The following TSPEAR variants were observed in gnomAD, a reference collection of about 807,000 sequenced individuals.
TSPEAR encodes thrombospondin type laminin G domain and EAR repeats, also known as thrombospondin-type laminin G domain and EAR repeat-containing protein.
In TSPEAR, 69 loss-of-function variants were observed where a neutral mutation model predicts 71.6. The observed-to-expected ratio is 0.96, with a 90% CI of 0.79 to 1.18. TSPEAR has a LOEUF of 1.18. TSPEAR is among the 50% of genes most tolerant of loss of function. The pLI, the probability that TSPEAR is intolerant of heterozygous loss-of-function variation, is 0.00. For missense variants in TSPEAR, 971 were observed against 894.9 expected, an observed-to-expected ratio of 1.09 and a Z score of -1.09; for synonymous variants, 402 against 387.2, an observed-to-expected ratio of 1.04 and a Z score of -0.45.
In TSPEAR at chr21:44,672,463, G is replaced by C. The variant is rs9982835; in HGVS notation, c.82+38970C>G. Among the ~76,000 whole-genome samples, 1,258 of 152,266 alleles carry C rather than the reference G, an allele frequency of 8.3e-3. 12 individuals carry two copies. Among genetic ancestry groups the C allele is most frequent in the African/African-American group, 0.028 (1,181 of 41,540 alleles). On this transcript the variant is annotated intron_variant, in intron 1 of 11. Coordinates refer to ENST00000323084, the MANE Select transcript of TSPEAR (RefSeq NM_144991.3). ...CAGGTGCCTGTAGTCCCAGCTACTC[G>C]GGAGGCTGAGACAGGAAAATGGCGT...
Position 44,527,375 on chromosome 21 carries a change from A to T in TSPEAR, c.1066T>A (p.Trp356Arg), listed in dbSNP as rs1569165610. 1.2e-6 allele frequency: 2 copies of T among 1,614,192 alleles called. No individual in the cohort carries two copies. The highest frequency in any genetic ancestry group is 1.7e-6 in the Non-Finnish European group (2 of 1,180,032). The change falls in exon 7 of 12, where the codon TGG becomes AGG. Residue 356 changes from tryptophan (W) to arginine (R), a missense_variant. By Grantham distance (101) the Trp-to-Arg change is moderately radical (BLOSUM62 -3). Transcript: ENST00000323084. ...NRKATSAVYK[W>R]TEEKFVSYQN... ...TATGAGACGAACTTCTCTTCGGTCC[A>T]CTTGTAGACGGCGGATGTGGCTTTG...
Position 44,549,455 on chromosome 21 carries a change from A to G in TSPEAR, c.304-15532T>C, listed in dbSNP as rs587670483. Among the ~76,000 whole-genome samples the G allele has an allele frequency of 4.6e-5, 7 of 152,326 alleles. No individual in the cohort carries two copies. In the East Asian group the frequency reaches 1.3e-3, roughly 29 times the overall value. Reference sequence around the variant, plus strand: ...CAAGTGCGGCGTGTCCACACTTTGGAACGCTGTACACCTTGCTGAAGAAAA... The same window carrying G: ...CAAGTGCGGCGTGTCCACACTTTGGGACGCTGTACACCTTGCTGAAGAAAA... On this transcript the variant is annotated intron_variant, in intron 2 of 11. Coordinates refer to ENST00000323084, the MANE Select transcript of TSPEAR (RefSeq NM_144991.3).
intron 11 of TSPEAR, among the ~76,000 whole-genome samples, chr21:44,502,632 C>T (rs1375941333): frequency 6.6e-6 from 1 of 152,272 alleles, no homozygotes; most frequent in Admixed American, 6.5e-5. Context: ...AATCCAAAGG[C>T]AGAAGCACCA....
chr21:44,528,189 G>C (rs587703454), intron 6 of TSPEAR, among the ~76,000 whole-genome samples: 9 of 152,278 alleles, frequency 5.9e-5, no homozygotes, highest in African/African-American at 1.9e-4. Flanking sequence ...TGGTGGGGCA[G>C]TTTCCTGTCC....
chr21:44,579,503 GGTT>G, intron 1 of TSPEAR: 2 of 577,590 alleles, frequency 3.5e-6, no homozygotes, highest in Non-Finnish European at 6.1e-6. Flanking sequence ...GGTGCTGACA[GGTT>G]CAAGTCGAGG....
chr21:44,685,471 G>A (rs1485464457), intron 1 of TSPEAR, among the ~76,000 whole-genome samples: 2 of 152,024 alleles, frequency 1.3e-5, no homozygotes, highest in East Asian at 2.0e-4. Flanking sequence ...GACCCACAGC[G>A]AGGGAGAGGA....
At chr21:44,521,691 G>A (rs920959094) in intron 9 of TSPEAR, among the ~76,000 whole-genome samples, 192 bp downstream of exon 9, 1 of 152,226 alleles carries the variant, frequency 6.6e-6, no homozygotes, top group African/African-American at 2.4e-5. Context: ...GGCAAGAAGG[G>A]CTCAGACGCC....
At chr21:44,643,205 A>G (rs1555938865) in intron 1 of TSPEAR, among the ~76,000 whole-genome samples, 1 of 152,212 alleles carries the variant, frequency 6.6e-6, no homozygotes, top group African/African-American at 2.4e-5. Flanking sequence ...GAATCTAAAA[A>G]AGCCAAGTTC....
intron 9 of TSPEAR, chr21:44,518,502 CTT>C (rs1229600363): frequency 3.3e-5 from 13 of 393,084 alleles, no homozygotes; most frequent in Non-Finnish European, 5.9e-5. Flanking sequence ...GATCCTTTCT[CTT>C]GTCACCTCAC....
intron 9 of TSPEAR, among the ~76,000 whole-genome samples, chr21:44,511,604 T>TACAC (rs1171665715): frequency 2.6e-5 from 4 of 152,156 alleles, no homozygotes; most frequent in Admixed American, 6.5e-5. Flanking sequence ...GCATGACATC[T>TACAC]ACACACACAC....
At chr21:44,595,339 C>T (rs587621347) in intron 1 of TSPEAR, among the ~76,000 whole-genome samples, 2 of 152,318 alleles carry the variant, frequency 1.3e-5, no homozygotes, top group African/African-American at 4.8e-5. Flanking sequence ...TAACCAAATA[C>T]TGAACCACTG....
chr21:44,707,715 C>G (rs1174135740), intron 1 of TSPEAR, among the ~76,000 whole-genome samples: 1 of 152,076 alleles, frequency 6.6e-6, no homozygotes, highest in Non-Finnish European at 1.5e-5. Flanking sequence ...ATGAGGGGGT[C>G]CTTAACTCTG....
At chr21:44,624,635 C>T (rs28505019) in intron 1 of TSPEAR, among the ~76,000 whole-genome samples, 41 of 152,298 alleles carry the variant, frequency 2.7e-4, no homozygotes, top group African/African-American at 7.7e-4. Context: ...CATCCTAGGG[C>T]GTAATCCTTC....
At chr21:44,541,084 T>G (rs2053215226) in intron 2 of TSPEAR, among the ~76,000 whole-genome samples, 1 of 152,098 alleles carries the variant, frequency 6.6e-6, no homozygotes, top group South Asian at 2.1e-4. Context: ...CATCAGTATT[T>G]CTGCACCACG....
chr21:44,601,332 C>G, intron 1 of TSPEAR: 1 of 1,613,294 alleles, frequency 6.2e-7, no homozygotes, highest in Non-Finnish European at 8.5e-7. Flanking sequence ...GCAAGCCCGT[C>G]TGCTGTGTGC....
chr21:44,655,756 C>T (rs180801157), intron 1 of TSPEAR, among the ~76,000 whole-genome samples: 3 of 152,274 alleles, frequency 2.0e-5, no homozygotes, highest in East Asian at 1.9e-4. Context: ...TTGGCCACAG[C>T]GCTTTATTCT....
rs201034957 is a variant in TSPEAR, at chr21:44,558,160, G to T, written c.303+9625C>A. On this transcript the variant is annotated intron_variant, in intron 2 of 11. Transcript: ENST00000323084. ...CAGGAGGCCGGGCGGCAGCAGCTGG[G>T]CTGGCAGGTGGAGGCAGGGGCACAG... 1 of 1,611,146 alleles carries T rather than the reference G, an allele frequency of 6.2e-7. No individual in the cohort carries two copies. The highest frequency in any genetic ancestry group is 1.7e-5 in the Admixed American group (1 of 59,438).
At chr21:44,686,942 G>A (rs1986888249) in intron 1 of TSPEAR, among the ~76,000 whole-genome samples, 2 of 152,218 alleles carry the variant, frequency 1.3e-5, no homozygotes, top group Non-Finnish European at 2.9e-5. Context: ...CTGCTCAGAG[G>A]TGGAGCTTGA....
chr21:44,533,890 C>T lies in TSPEAR; in HGVS notation c.337G>A (p.Glu113Lys), dbSNP rs144166142. The change falls in exon 3 of 12, where the codon GAG (glutamate) becomes AAG (lysine). Residue 113 changes from glutamate to lysine, a missense_variant. Coordinates refer to ENST00000323084, the MANE Select transcript of TSPEAR (RefSeq NM_144991.3). ...NEYLLTVVAE[E>K]SDLLLLGLRL... Reference sequence around the variant, plus strand: ...AGGCCGAGCAGCAGCAGGTCGCTCTCCTCTGCCACCACCGTCAGCAGGTAC... The same window carrying T: ...AGGCCGAGCAGCAGCAGGTCGCTCTTCTCTGCCACCACCGTCAGCAGGTAC... 2.4e-3 allele frequency: 3,923 copies of T among 1,611,910 alleles called. 9 individuals are homozygous for T. The highest frequency in any genetic ancestry group is 3.0e-3 in the Non-Finnish European group (3,506 of 1,179,718).
Sources: allele counts gnomAD v4.1 joint callset (sites outside exome capture counted in the v4.1 genomes callset), GRCh38; gene constraint gnomAD v4.1.1; transcripts MANE v1.5; gene names NCBI Gene and HGNC (gene_info 2026-07-23, HGNC 2026-07-21).